Variants in SPEF2 observed in about 807,000 individuals in gnomAD.
The protein encoded by SPEF2 is sperm flagella and cilia-associated protein 2.
In SPEF2, 187 loss-of-function variants were observed where a neutral mutation model predicts 224.6. That is an observed-to-expected ratio of 0.83 (90% confidence interval 0.74 to 0.94). The LOEUF is 0.94. Among genes scored for constraint, SPEF2 ranks in the 40% least tolerant of loss-of-function variants. The pLI, the probability that SPEF2 is intolerant of heterozygous loss-of-function variation, is 0.00. For synonymous variants in SPEF2, 715 were observed against 707.3 expected (o/e 1.01, Z -0.17); for missense variants, 2,170 against 2,135.6 (o/e 1.02, Z -0.32).
intron 27 of SPEF2, among the ~76,000 whole-genome samples, chr5:35,772,758 G>T (rs1389043992): frequency 6.6e-6 from 1 of 152,148 alleles, no homozygotes; most frequent in Non-Finnish European, 1.5e-5. Flanking sequence ...CACTGTTGGG[G>T]TCTGATCCCT....
In SPEF2 at chr5:35,667,191, T is replaced by C; in HGVS notation, c.1287T>C (p.Cys429=). 6.2e-7 allele frequency: 1 copy of C among 1,610,666 alleles called. No homozygotes were observed. Among genetic ancestry groups the C allele is most frequent in the Non-Finnish European group, 8.5e-7 (1 of 1,177,882 alleles). The change falls in exon 9 of 37, where the codon TGT becomes TGC. Residue 429 remains cysteine, a synonymous_variant. Transcript: ENST00000356031. ...QARYEKHYSV[C]AEILDQIVDL... is the part of the protein sequence containing the mutation. ...GTTATGAAAAGCATTATTCAGTATG[T>C]GCAGAAATTTTGGATCAAATAGTTG...
chr5:35,663,830 A>G (rs1055732640), intron 8 of SPEF2, among the ~76,000 whole-genome samples: 4 of 152,196 alleles, frequency 2.6e-5, no homozygotes, highest in Non-Finnish European at 5.9e-5. Flanking sequence ...GAAACACTAC[A>G]GTCATCAGGT....
intron 24 of SPEF2, among the ~76,000 whole-genome samples, chr5:35,756,308 C>T (rs1750438761): frequency 6.6e-6 from 1 of 152,126 alleles, no homozygotes; most frequent in Admixed American, 6.5e-5. Context: ...TTCACGCATC[C>T]ATTGGGGGTC....
Position 35,793,202 on chromosome 5 carries a change from T to C in SPEF2, c.4598T>C (p.Val1533Ala). 1.2e-6 allele frequency: 2 copies of C among 1,614,218 alleles called. No homozygotes were observed. Among genetic ancestry groups the C allele is most frequent in the East Asian group, 4.5e-5 (2 of 44,894 alleles). ...TTATTAACAGTCAACTCCGAGTTCG[T>C]GGACTGGCGGAAGTTCCTGTTAGTA... ...TSLLTVNSEF[V>A]DWRKFLLVTS... The change falls in exon 32 of 37, where the codon GTG becomes GCG. Residue 1533 changes from valine to alanine, a missense_variant. Physicochemically the swap from Val to Ala is moderately conservative, Grantham distance 64. Coordinates refer to ENST00000356031, the MANE Select transcript of SPEF2 (RefSeq NM_024867.4).
chr5:35,677,077 G>C (rs2149494614), intron 10 of SPEF2, among the ~76,000 whole-genome samples: 1 of 152,282 alleles, frequency 6.6e-6, no homozygotes, highest in South Asian at 2.1e-4. Flanking sequence ...AGTCATTATA[G>C]AAGAGGGTAT....
At chr5:35,754,887 C>A (rs1234753599) in intron 24 of SPEF2, among the ~76,000 whole-genome samples, 1 of 152,230 alleles carries the variant, frequency 6.6e-6, no homozygotes, top group Admixed American at 6.5e-5. Context: ...ACTTATCTGG[C>A]AATCCCTACA....
intron 21 of SPEF2, among the ~76,000 whole-genome samples, chr5:35,732,091 T>C (rs1167040408): frequency 6.6e-6 from 1 of 152,222 alleles, no homozygotes; most frequent in African/African-American, 2.4e-5. Flanking sequence ...AGATGATCAT[T>C]TGGAGCCTGC....
chr5:35,808,237 A>C, intron 36 of SPEF2: 1 of 822,964 alleles, frequency 1.2e-6, no homozygotes, highest in Middle Eastern at 6.3e-4. Context: ...GTATTAGTAT[A>C]ACTGAAGTTG....
At chr5:35,764,538 C>T (rs928473354) in intron 26 of SPEF2, 1 of 455,772 alleles carries the variant, frequency 2.2e-6, no homozygotes, top group Non-Finnish European at 4.4e-6. Flanking sequence ...CCCTCATCTG[C>T]CAGGTCCTGG....
At chr5:35,807,487 G>T (rs923747472) in intron 36 of SPEF2, among the ~76,000 whole-genome samples, 8 of 152,214 alleles carry the variant, frequency 5.3e-5, no homozygotes, top group Non-Finnish European at 1.2e-4. Context: ...CTGGGTGGGT[G>T]ACAGTGTTAG....
rs375237224 is a variant in SPEF2, at chr5:35,700,554, G to A, written c.2200G>A (p.Ala734Thr). 4.2e-5 allele frequency: 67 copies of A among 1,613,542 alleles called. No individual in the cohort carries two copies. The highest frequency in any genetic ancestry group is 5.5e-5 in the Non-Finnish European group (65 of 1,179,890). The stretch of plus-strand genomic sequence containing the variant: ...TGGTTTTCCAATGACTTTAAACCAA[G>A]CACAGCTTCTGGAAGAAGCTCTTAC... ...LDGFPMTLNQ[A>T]QLLEEALTGC... Residue 734 changes from alanine to threonine, a missense_variant, in exon 16 of 37, where the codon GCA becomes ACA. Ala to Thr is a moderately conservative substitution (Grantham distance 58). Transcript: ENST00000356031.
rs1754686047 is a variant in SPEF2 at position 35,692,602 on chromosome 5, C to G, written c.1777C>G (p.Leu593Val). The G allele has an allele frequency of 6.2e-7, 1 of 1,612,888 alleles. No homozygotes were observed. The highest frequency in any genetic ancestry group is 1.7e-5 in the Admixed American group (1 of 59,890). The part of the protein sequence containing the change: ...FPIQILSIDT[L>V]VQEAIQAFHD... ...TATACAGATACTTTCTATTGACACTCTTGTCCAAGAAGCTATCCAAGCATT... is the reference window on the plus strand; with the variant it reads ...TATACAGATACTTTCTATTGACACTGTTGTCCAAGAAGCTATCCAAGCATT... The change falls in exon 12 of 37, where the codon CTT (leucine) becomes GTT (valine). Residue 593 changes from leucine (L) to valine (V), a missense_variant. Transcript: ENST00000356031.
Position 35,807,098 on chromosome 5 carries a change from G to A in SPEF2, c.5257-33G>A, listed in dbSNP as rs767889925. On this transcript the variant is annotated intron_variant, in intron 35 of 36. Transcript: ENST00000356031. ...TTTTTAACATCTACTGGATTGTGAG[G>A]TTGATTAACTTCATTTTTTTTCTTC... 6.3e-5 allele frequency: 100 copies of A among 1,596,896 alleles called. 1 individual carries two copies. Among genetic ancestry groups the A allele is most frequent in the East Asian group, 1.1e-4 (5 of 44,810 alleles).
chr5:35,617,872 A>T lies in SPEF2; in HGVS notation c.-126A>T, dbSNP rs1742864711. On this transcript the variant is annotated 5_prime_UTR_variant, in exon 1 of 37. Transcript: ENST00000356031. ...CCCTCTTCTCTAAGGCCTTTCGCCT[A>T]GTTCCAGCCTGGATACGCTTCCATA... The T allele has an allele frequency of 2.2e-6, 2 of 895,914 alleles. No homozygotes were observed. The highest frequency in any genetic ancestry group is 2.1e-5 in the Admixed American group (1 of 48,206). The allele number at this position is 895,914 out of a possible 1,614,324, so 55.5% of individuals were successfully genotyped here. A position where few individuals can be genotyped will look rare whatever the true frequency, so the allele number is the denominator to read the frequency against.
rs1428966641 is a variant in SPEF2, at chr5:35,665,070, C to T, written c.1168-2002C>T. ...TTTTTGAGCTTTACTTTGAGTCAAG[C>T]ATTGTACTATGTTTGTTACAAGCAT... On this transcript the variant is annotated intron_variant, in intron 8 of 36. Coordinates refer to ENST00000356031, the MANE Select transcript of SPEF2 (RefSeq NM_024867.4). Among the ~76,000 whole-genome samples the T allele has an allele frequency of 2.0e-5, 3 of 152,236 alleles. No individual in the cohort carries two copies. The East Asian group carries it at 5.8e-4, about 29-fold the overall frequency.
chr5:35,649,575 A>G (rs1262823466), intron 6 of SPEF2, 150 bp downstream of exon 6: 6 of 537,460 alleles, frequency 1.1e-5, no homozygotes, highest in Admixed American at 3.7e-5. Flanking sequence ...GGGAAGATAA[A>G]TGAGCTAAAG....
rs537671127 is a variant in SPEF2, at chr5:35,694,324, G to C, written c.1936G>C (p.Asp646His). Residue 646 changes from aspartate (D) to histidine (H), a missense_variant, in exon 13 of 37, where the codon GAT becomes CAT. Coordinates refer to ENST00000356031, the MANE Select transcript of SPEF2 (RefSeq NM_024867.4). Reference sequence around the variant, plus strand: ...TGTATTTTCAGCTGGTCCAGTTTCAGATGAAGTATTACCAGAAACAGAAGG... The same window carrying C: ...TGTATTTTCAGCTGGTCCAGTTTCACATGAAGTATTACCAGAAACAGAAGG... ...QHVFSAGPVS[D>H]EVLPETEGET... The C allele has an allele frequency of 9.9e-6, 16 of 1,613,596 alleles. No individual in the cohort carries two copies. In the African/African-American group the frequency reaches 1.1e-4, roughly 11 times the overall value.
chr5:35,806,639 TTC>T, intron 34 of SPEF2, 66 bp from the exon 35 acceptor site: 2 of 1,548,546 alleles, frequency 1.3e-6, no homozygotes, highest in South Asian at 2.6e-5. Flanking sequence ...AATTGGTATA[TTC>T]TAAAAGTCTC....
chr5:35,667,800 G>A (rs1277589076), intron 9 of SPEF2, among the ~76,000 whole-genome samples: 2 of 151,788 alleles, frequency 1.3e-5, no homozygotes, highest in African/African-American at 2.4e-5. Flanking sequence ...AATATATGAA[G>A]TATTCTCAAA....
Sources: gnomAD v4.1 joint callset for allele counts (sites outside exome capture counted in the v4.1 genomes callset) on GRCh38, gnomAD v4.1.1 for gene constraint, MANE v1.5 for transcripts, NCBI Gene and HGNC (gene_info 2026-07-23, HGNC 2026-07-21) for gene names.